The following PDPR variants were observed in gnomAD, a reference collection of about 807,000 sequenced individuals.
PDPR encodes the protein pyruvate dehydrogenase phosphatase regulatory subunit, mitochondrial.
PDPR carries 50 observed loss-of-function variants against 102.2 expected under a neutral mutation model. The observed-to-expected ratio is 0.49, with a 90% CI of 0.39 to 0.62. PDPR has a LOEUF of 0.62. PDPR is among the 20% of genes least tolerant of loss of function. The pLI, the probability that PDPR is intolerant of heterozygous loss-of-function variation, is 0.00. For synonymous variants in PDPR, 259 were observed against 406.0 expected (o/e 0.64, Z 4.35); for missense variants, 625 against 1,098.2 (o/e 0.57, Z 6.09).
rs188144207 is a variant in PDPR at position 70,140,302 on chromosome 16, C to T, written c.1315+1279C>T. On this transcript the variant is annotated intron_variant, in intron 11 of 18. Coordinates refer to ENST00000288050, the MANE Select transcript of PDPR (RefSeq NM_017990.5). Reference sequence around the variant, plus strand: ...GCTGCAGTGAGCCATGATGGTGCCACTGTGTACTCCAGCCTGGGCAGTGGG... The same window carrying T: ...GCTGCAGTGAGCCATGATGGTGCCATTGTGTACTCCAGCCTGGGCAGTGGG... Among the ~76,000 whole-genome samples, 19 of 152,368 alleles carry T rather than the reference C, an allele frequency of 1.2e-4. No homozygotes were observed. The South Asian group carries it at 3.1e-3, about 25-fold the overall frequency.
intron 18 of PDPR, 94 bp downstream of exon 18, chr16:70,153,667 G>A (rs1319188945): frequency 1.5e-6 from 2 of 1,341,444 alleles, no homozygotes; most frequent in Admixed American, 2.7e-5. Flanking sequence ...CAGGAAAAGG[G>A]GGAAAAGATT....
chr16:70,145,658 A>G (rs1322389938), intron 15 of PDPR: 5 of 458,600 alleles, frequency 1.1e-5, no homozygotes, highest in Admixed American at 4.8e-5. Context: ...AACAAAAGTC[A>G]TGTTCTAGCC....
rs752157677 is a variant in PDPR, at chr16:70,139,023, C to A, written c.1315C>A (p.Pro439Thr). The A allele has an allele frequency of 6.2e-7, 1 of 1,603,198 alleles. No homozygotes were observed. Among genetic ancestry groups the A allele is most frequent in the Non-Finnish European group, 8.5e-7 (1 of 1,173,460 alleles). The part of the protein sequence containing the change: ...FLRHRVMEVM[P>T]LMYDLKVPRW... ...GCGCCACCGGGTCATGGAAGTCATG[C>A]GTAAGTGAAGCTTTATCGCAGTTGC... The change falls in exon 11 of 19, where the codon CCT (proline) becomes ACT (threonine). Residue 439 changes from proline (P) to threonine (T), a missense_variant and splice_region_variant. Pro to Thr is a conservative substitution (Grantham distance 38, BLOSUM62 -1). Transcript: ENST00000288050.
rs534333760 is a variant in PDPR, at chr16:70,149,689, T to C, written c.2052+1136T>C. Among the ~76,000 whole-genome samples the C allele has an allele frequency of 3.9e-5, 6 of 152,404 alleles. No individual in the cohort carries two copies. The South Asian group carries it at 1.0e-3, about 26-fold the overall frequency. On this transcript the variant is annotated intron_variant, in intron 17 of 18. Coordinates refer to ENST00000288050, the MANE Select transcript of PDPR (RefSeq NM_017990.5). ...ATTCCATTGTGGTACATCATTCCGA[T>C]ACTAATAGACATTTATGTTATTTCT... is the stretch of plus-strand genomic sequence containing the variant.
intron 3 of PDPR, among the ~76,000 whole-genome samples, chr16:70,125,424 C>T (rs1310437150): frequency 4.6e-5 from 7 of 151,478 alleles, no homozygotes; most frequent in Admixed American, 2.0e-4. Context: ...CATGGTGACA[C>T]ACACCTGTAA....
intron 9 of PDPR, among the ~76,000 whole-genome samples, chr16:70,135,117 C>T (rs1250068976): frequency 6.6e-6 from 1 of 152,244 alleles, no homozygotes; most frequent in African/African-American, 2.4e-5. Context: ...TACCCATTAT[C>T]CAGCTCTGGT....
chr16:70,124,643 T>G (rs1428485368), intron 3 of PDPR, among the ~76,000 whole-genome samples: 1 of 152,262 alleles, frequency 6.6e-6, no homozygotes, highest in Non-Finnish European at 1.5e-5. Context: ...CGAGAGCCAC[T>G]GTCAAAGCTG....
At chr16:70,149,531 G>T (rs1291451846) in intron 17 of PDPR, among the ~76,000 whole-genome samples, 1 of 152,258 alleles carries the variant, frequency 6.6e-6, no homozygotes, top group Non-Finnish European at 1.5e-5. Flanking sequence ...CTCCCAAAGT[G>T]CTGGGATTAC....
Position 70,144,587 on chromosome 16 carries a change from C to G in PDPR, c.1867+54C>G, listed in dbSNP as rs1966057508. On this transcript the variant is annotated intron_variant, in intron 15 of 18. Coordinates refer to ENST00000288050, the MANE Select transcript of PDPR (RefSeq NM_017990.5). Reference sequence around the variant, plus strand: ...AAAAGGCCAGCAGATGCAGATGTGTCCACGTTTGCCTTCTTTACATTTGAC... The same window carrying G: ...AAAAGGCCAGCAGATGCAGATGTGTGCACGTTTGCCTTCTTTACATTTGAC... 7.2e-5 allele frequency: 37 copies of G among 512,952 alleles called. No individual in the cohort carries two copies. The South Asian group carries it at 7.6e-4, about 11-fold the overall frequency. The allele number at this position is 512,952 out of a possible 1,614,324, so 31.8% of individuals were successfully genotyped here.
chr16:70,153,660 G>T, intron 18 of PDPR, 87 bp downstream of exon 18: 1 of 1,349,174 alleles, frequency 7.4e-7, no homozygotes, highest in South Asian at 1.5e-5. Context: ...GATGTGACAG[G>T]AAAAGGGGGA....
intron 17 of PDPR, among the ~76,000 whole-genome samples, chr16:70,150,253 G>A (rs1357189739): frequency 1.3e-5 from 2 of 152,158 alleles, no homozygotes; most frequent in South Asian, 2.1e-4. Context: ...ACAGGCGCCT[G>A]CCACCACACC....
chr16:70,157,197 G>A lies in PDPR; in HGVS notation c.*318G>A. The A allele has an allele frequency of 1.7e-6, 1 of 590,030 alleles. No homozygotes were observed. Among genetic ancestry groups the A allele is most frequent in the Non-Finnish European group, 3.2e-6 (1 of 316,072 alleles). 36.5% of individuals were successfully genotyped at this position (590,030 alleles called of 1,614,324 possible). A position where few individuals can be genotyped will look rare whatever the true frequency, so the allele number is the denominator to read the frequency against. On this transcript the variant is annotated 3_prime_UTR_variant, in exon 19 of 19. Coordinates refer to ENST00000288050, the MANE Select transcript of PDPR (RefSeq NM_017990.5). ...ACTGTGGACATGAGTGATGGTGACA[G>A]CTGCTTTCAAATTCTGCATCTCAAG... is the stretch of plus-strand genomic sequence containing the variant.
At chr16:70,129,440 G>A (rs1308577630) in intron 6 of PDPR, among the ~76,000 whole-genome samples, 1 of 152,268 alleles carries the variant, frequency 6.6e-6, no homozygotes, top group Non-Finnish European at 1.5e-5. Context: ...CGCCTCCTGG[G>A]TTCATGTGAT....
At chr16:70,124,507 C>T (rs571367231) in intron 3 of PDPR, among the ~76,000 whole-genome samples, 5 of 152,404 alleles carry the variant, frequency 3.3e-5, no homozygotes, top group African/African-American at 1.2e-4. Context: ...TTAGAATCAG[C>T]TGGGGAGCTT....
chr16:70,161,262 C>T lies in PDPR; in HGVS notation c.*4383C>T, dbSNP rs1967757607. The T allele has an allele frequency of 7.5e-6, 1 of 133,636 alleles. No homozygotes were observed. Among genetic ancestry groups the T allele is most frequent in the Non-Finnish European group, 1.5e-5 (1 of 65,854 alleles). 8.3% of individuals were successfully genotyped at this position (133,636 alleles called of 1,614,324 possible). A position where few individuals can be genotyped will look rare whatever the true frequency, so the allele number is the denominator to read the frequency against. ...CACCACTGCACTCCAGCCTGGGTAA[C>T]AGAGTGAGACTCTTGTCTCAAAAAA... On this transcript the variant is annotated 3_prime_UTR_variant, in exon 19 of 19. Coordinates refer to ENST00000288050, the MANE Select transcript of PDPR (RefSeq NM_017990.5).
chr16:70,114,420 G>T lies in PDPR; in HGVS notation c.-163G>T, dbSNP rs1349160907. ...TCCCGCCGGGCTGTAGCTGAGCGCGGAGCCCGTGGGGACCGGTGAGGTAAG... is the reference window on the plus strand; with the variant it reads ...TCCCGCCGGGCTGTAGCTGAGCGCGTAGCCCGTGGGGACCGGTGAGGTAAG... On this transcript the variant is annotated 5_prime_UTR_variant, in exon 1 of 19. Coordinates refer to ENST00000288050, the MANE Select transcript of PDPR (RefSeq NM_017990.5). 1.3e-5 allele frequency: 2 copies of T among 152,212 alleles called. No individual in the cohort carries two copies. Among genetic ancestry groups the T allele is most frequent in the Non-Finnish European group, 2.9e-5 (2 of 68,040 alleles). The allele number at this position is 152,212 out of a possible 1,614,324, so 9.4% of individuals were successfully genotyped here. A position where few individuals can be genotyped will look rare whatever the true frequency, so the allele number is the denominator to read the frequency against.
At position 70,155,303 on chromosome 16, in the gene PDPR, C is replaced by T. The variant is rs144296569; in HGVS notation, c.2236-1172C>T. On this transcript the variant is annotated intron_variant, in intron 18 of 18. Transcript: ENST00000288050. ...ACTATTTTTTTTTTCTTTCTTGAGA[C>T]GGAGTTTCGTTCTTGTTGTCCAGGC... Among the ~76,000 whole-genome samples, 162 of 152,052 alleles carry T rather than the reference C, an allele frequency of 1.1e-3. 1 individual carries two copies. The highest frequency in any genetic ancestry group is 3.4e-3 in the African/African-American group (141 of 41,452).
chr16:70,153,313 G>A (rs1229964356), intron 17 of PDPR, 78 bp from the exon 18 acceptor site: 2 of 1,417,816 alleles, frequency 1.4e-6, no homozygotes, highest in Non-Finnish European at 1.9e-6. Flanking sequence ...AATAGTGTGA[G>A]CCATCAGCGC....
intron 9 of PDPR, among the ~76,000 whole-genome samples, chr16:70,135,453 T>C (rs1210041541): frequency 1.1e-4 from 17 of 152,366 alleles, no homozygotes; most frequent in African/African-American, 3.8e-4. Context: ...GCCATAATGC[T>C]CTTGAACTCC....
Sources: gnomAD v4.1 joint callset for allele counts (sites outside exome capture counted in the v4.1 genomes callset) on GRCh38, gnomAD v4.1.1 for gene constraint, MANE v1.5 for transcripts, NCBI Gene and HGNC (gene_info 2026-07-23, HGNC 2026-07-21) for gene names.